The following LYRM4 variants were observed in gnomAD, a reference collection of about 807,000 sequenced individuals.
The protein encoded by LYRM4 is LYR motif-containing protein 4.
Under a neutral mutation model 11.7 loss-of-function variants are expected in LYRM4, and 9 were observed. The ratio of observed to expected loss-of-function variants is 0.77; its 90% CI spans 0.46 to 1.34. The LOEUF (loss-of-function observed/expected upper bound fraction) is 1.34. Ranked by LOEUF, LYRM4 falls within the 40% of genes most tolerant of loss-of-function variation. The probability of loss-of-function intolerance (pLI) is 0.00; values close to 1 mark genes in which losing one functional copy is unlikely to be tolerated. For synonymous variants in LYRM4, 42 were observed against 40.4 expected, an observed-to-expected ratio of 1.04 and a Z score of -0.15; for missense variants, 133 against 112.5, an observed-to-expected ratio of 1.18 and a Z score of -0.82.
At chr6:5,047,613 A>G in the LYRM4 span, among the ~76,000 whole-genome samples, 1 of 152,182 alleles carries the variant, frequency 6.6e-6, no homozygotes, top group Non-Finnish European at 1.5e-5. Context: ...GCTGAACACC[A>G]TATCTTAGAT....
intron 1 of LYRM4, among the ~76,000 whole-genome samples, chr6:5,246,431 T>C (rs993154332): frequency 6.6e-6 from 1 of 152,124 alleles, no homozygotes; most frequent in African/African-American, 2.4e-5. Flanking sequence ...CCTTACAAGG[T>C]CTTTAATTGG....
intron 2 of LYRM4, among the ~76,000 whole-genome samples, chr6:5,132,530 C>T (rs1027438391): frequency 6.6e-6 from 1 of 152,188 alleles, no homozygotes; most frequent in Admixed American, 6.5e-5. Flanking sequence ...GAGTACCCAG[C>T]CTGTGCTACA....
the LYRM4 span, among the ~76,000 whole-genome samples, chr6:5,043,769 C>T: frequency 1.3e-5 from 2 of 152,172 alleles, no homozygotes; most frequent in Admixed American, 6.5e-5. Context: ...CCCCAACCAC[C>T]TCCTTTATTG....
chr6:5,091,924 C>T, the LYRM4 span, among the ~76,000 whole-genome samples: 8 of 152,212 alleles, frequency 5.3e-5, no homozygotes, highest in Non-Finnish European at 8.8e-5. Context: ...TTACTCCTCC[C>T]ATTCCCATCG....
chr6:5,088,554 C>T, the LYRM4 span: 2 of 152,194 alleles, frequency 1.3e-5, no homozygotes, highest in South Asian at 2.1e-4. Context: ...TCCATGCTAC[C>T]GCAGCAGAGT....
At chr6:5,177,795 C>A (rs1186082485) in intron 2 of LYRM4, among the ~76,000 whole-genome samples, 1 of 152,148 alleles carries the variant, frequency 6.6e-6, no homozygotes, top group South Asian at 2.1e-4. Context: ...CATACTCTTA[C>A]AAACAGGTCA....
At chr6:5,149,169 A>G (rs538154853) in intron 2 of LYRM4, among the ~76,000 whole-genome samples, 4 of 152,226 alleles carry the variant, frequency 2.6e-5, no homozygotes, top group Non-Finnish European at 5.9e-5. Flanking sequence ...TATGTATGAT[A>G]TTTTCAGGTT....
chr6:5,050,691 C>G, the LYRM4 span, among the ~76,000 whole-genome samples: 2 of 152,156 alleles, frequency 1.3e-5, no homozygotes, highest in Non-Finnish European at 2.9e-5. Flanking sequence ...CTTAAGTTTA[C>G]AGTTAAGGCT....
chr6:5,165,101 TG>T (rs753017482), intron 2 of LYRM4, among the ~76,000 whole-genome samples: 96 of 152,310 alleles, frequency 6.3e-4, no homozygotes, highest in Admixed American at 2.0e-3. Flanking sequence ...CCTCCTATCA[TG>T]CTGAATTCTT....
the LYRM4 span, chr6:5,087,561 G>C: frequency 6.6e-6 from 1 of 152,344 alleles, no homozygotes; most frequent in South Asian, 2.1e-4. Flanking sequence ...GACTTGCCGG[G>C]CCATTAGCAG....
At chr6:5,069,393 C>T in the LYRM4 span, among the ~76,000 whole-genome samples, 1 of 150,988 alleles carries the variant, frequency 6.6e-6, no homozygotes, top group Non-Finnish European at 1.5e-5. Flanking sequence ...AGTCAATCGG[C>T]GCACATCTTA....
intron 2 of LYRM4, among the ~76,000 whole-genome samples, chr6:5,185,129 G>A (rs1760311524): frequency 6.6e-6 from 1 of 152,172 alleles, no homozygotes; most frequent in Non-Finnish European, 1.5e-5. Context: ...CTCGAGGGTC[G>A]AGTCGCCCCT....
chr6:5,144,308 T>A, intron 2 of LYRM4: 1 of 1,535,402 alleles, frequency 6.5e-7, no homozygotes, highest in Non-Finnish European at 8.7e-7. Flanking sequence ...TAGCCTCAGT[T>A]TGGACAAGAA....
At chr6:5,154,732 T>C (rs111308389) in intron 2 of LYRM4, among the ~76,000 whole-genome samples, 12 of 152,122 alleles carry the variant, frequency 7.9e-5, no homozygotes, top group South Asian at 2.1e-4. Flanking sequence ...GGCAGGAGAA[T>C]GGCGTGAACC....
At chr6:5,160,078 T>C (rs1321185059) in intron 2 of LYRM4, among the ~76,000 whole-genome samples, 1 of 152,220 alleles carries the variant, frequency 6.6e-6, no homozygotes, top group Non-Finnish European at 1.5e-5. Context: ...CTTACTTCTC[T>C]GGATTCCATT....
At chr6:5,210,086 A>G (rs531717602) in intron 2 of LYRM4, among the ~76,000 whole-genome samples, 9 of 152,334 alleles carry the variant, frequency 5.9e-5, no homozygotes, top group Admixed American at 5.2e-4. Flanking sequence ...CTAGATGAAG[A>G]GAAGTCTTTG....
rs147277550 is a variant in LYRM4, at chr6:5,185,122, G to A, written c.207+31496C>T. On this transcript the variant is annotated intron_variant, in intron 2 of 2. Transcript: ENST00000330636. Reference sequence around the variant, plus strand: ...ACAATACGCTCCTACCTAGCTCCTCGAGGGTCGAGTCGCCCCTTGTTACCA... The same window carrying A: ...ACAATACGCTCCTACCTAGCTCCTCAAGGGTCGAGTCGCCCCTTGTTACCA... 1.5e-3 allele frequency among the ~76,000 whole-genome samples: 234 copies of A among 152,308 alleles called. 1 individual carries two copies. The highest frequency in any genetic ancestry group is 6.8e-3 in the Middle Eastern group (2 of 294).
chr6:5,220,750 A>G (rs1243767077), intron 1 of LYRM4, among the ~76,000 whole-genome samples: 2 of 152,054 alleles, frequency 1.3e-5, no homozygotes, highest in Non-Finnish European at 2.9e-5. Flanking sequence ...TGATACTGTT[A>G]CTTGTTAATT....
intron 2 of LYRM4, among the ~76,000 whole-genome samples, chr6:5,177,298 A>T (rs930434464): frequency 5.3e-5 from 8 of 152,252 alleles, no homozygotes; most frequent in Non-Finnish European, 1.2e-4. Context: ...TGAACAAAGA[A>T]GTTTTCCTAG....
Sources: allele counts gnomAD v4.1 joint callset (sites outside exome capture counted in the v4.1 genomes callset), GRCh38; gene constraint gnomAD v4.1.1; transcripts MANE v1.5; gene names NCBI Gene and HGNC (gene_info 2026-07-23, HGNC 2026-07-21).